The following ARPC1B variants were observed in gnomAD, a reference collection of about 807,000 sequenced individuals.
ARPC1B encodes the protein actin related protein 2/3 complex subunit 1B, also known as actin-related protein 2/3 complex subunit 1B.
Under a neutral mutation model 46.0 loss-of-function variants are expected in ARPC1B, and 29 were observed. The observed-to-expected ratio is 0.63, with a 90% CI of 0.47 to 0.86. ARPC1B has a LOEUF of 0.86. Ranked by LOEUF, ARPC1B falls within the 40% of genes least tolerant of loss-of-function variation. ARPC1B has a pLI of 0.00. For missense variants in ARPC1B, 469 were observed against 529.4 expected, an observed-to-expected ratio of 0.89 and a Z score of 1.12; for synonymous variants, 201 against 213.9, an observed-to-expected ratio of 0.94 and a Z score of 0.53.
At chr7:99,375,172 C>T (rs1198711089) in intron 1 of ARPC1B, among the ~76,000 whole-genome samples, 1 of 152,120 alleles carries the variant, frequency 6.6e-6, no homozygotes, top group Non-Finnish European at 1.5e-5. Context: ...CGCCCCTGCT[C>T]CCCGGCCCCC....
chr7:99,381,034 C>G (rs1008179383), intron 1 of ARPC1B, among the ~76,000 whole-genome samples: 2 of 152,210 alleles, frequency 1.3e-5, no homozygotes, highest in Non-Finnish European at 2.9e-5. Flanking sequence ...CTGCACAGTG[C>G]TGGCATCAGA....
At position 99,380,020 on chromosome 7, in the gene ARPC1B, T is replaced by C. The variant is rs73710449; in HGVS notation, c.-14+5239T>C. 9.5e-3 allele frequency among the ~76,000 whole-genome samples: 1,449 copies of C among 152,086 alleles called. 18 individuals carry two copies. Among genetic ancestry groups the C allele is most frequent in the African/African-American group, 0.033 (1,380 of 41,478 alleles). ...CTCACAGGGCCACAGTGATAGTGGG[T>C]TGGTGTCCTGGATCCCTCCCCCAGG... On this transcript the variant is annotated intron_variant, in intron 1 of 9. Transcript: ENST00000646101.
chr7:99,381,236 G>T (rs1392225844), intron 1 of ARPC1B, among the ~76,000 whole-genome samples: 4 of 152,234 alleles, frequency 2.6e-5, no homozygotes, highest in African/African-American at 9.6e-5. Context: ...GGGTAAGGCT[G>T]CCCACACGTG....
chr7:99,376,156 C>G (rs956303686), intron 1 of ARPC1B, among the ~76,000 whole-genome samples: 1 of 151,940 alleles, frequency 6.6e-6, no homozygotes. Flanking sequence ...TGGCAGTGAG[C>G]CAAGACTGTA....
Position 99,394,109 on chromosome 7 carries a change from G to C in ARPC1B, c.1070G>C (p.Trp357Ser). ...GGCATGGATGGCGGCATGAGTATCT[G>C]GGATGTGAAGGTGAGGCTTGCCCCT... ...TTGMDGGMSI[W>S]DVKSLESALK... The change falls in exon 9 of 10, where the codon TGG becomes TCG. Residue 357 changes from tryptophan (W) to serine (S), a missense_variant. By Grantham distance (177) the Trp-to-Ser change is radical (BLOSUM62 -3). Coordinates refer to ENST00000646101, the MANE Select transcript of ARPC1B (RefSeq NM_005720.4). 1 of 1,613,514 alleles carries C rather than the reference G, an allele frequency of 6.2e-7. No homozygotes were observed. Among genetic ancestry groups the C allele is most frequent in the South Asian group, 1.1e-5 (1 of 91,082 alleles).
intron 1 of ARPC1B, among the ~76,000 whole-genome samples, chr7:99,379,458 G>C (rs927644781): frequency 7.9e-5 from 12 of 152,126 alleles, no homozygotes; most frequent in Admixed American, 7.2e-4. Flanking sequence ...GCCTGAGCTG[G>C]GTGGGGACTT....
intron 3 of ARPC1B, among the ~76,000 whole-genome samples, chr7:99,387,350 C>T (rs1370552442): frequency 6.6e-6 from 1 of 152,204 alleles, no homozygotes; most frequent in East Asian, 1.9e-4. Flanking sequence ...AGAAGAATCG[C>T]TTGAACCCAG....
At chr7:99,389,601 C>G (rs539493669) in intron 4 of ARPC1B, 1 of 303,382 alleles carries the variant, frequency 3.3e-6, no homozygotes, top group African/African-American at 2.2e-5. Context: ...AATTTGCATC[C>G]CACCATGGCC....
At chr7:99,378,774 CTTTTTTTTTT>C (rs761084621) in intron 1 of ARPC1B, among the ~76,000 whole-genome samples, 3 of 106,554 alleles carry the variant, frequency 2.8e-5, no homozygotes, top group African/African-American at 8.7e-5. Flanking sequence ...TTTTCTTTTT[CTTTTTTTTTT>C]TTTTTTTTTT....
At chr7:99,386,357 A>G in intron 2 of ARPC1B, 1 of 497,414 alleles carries the variant, frequency 2.0e-6, no homozygotes. Context: ...GGGGAGAGGA[A>G]GGGAACTGTG....
intron 3 of ARPC1B, among the ~76,000 whole-genome samples, chr7:99,387,723 C>T (rs747569956): frequency 3.9e-5 from 5 of 128,422 alleles, no homozygotes; most frequent in African/African-American, 9.8e-5. Flanking sequence ...GGCGGCTGAG[C>T]GAGACTCTGT....
rs937025662 is a variant in ARPC1B at position 99,383,561 on chromosome 7, C to A, written c.-13-2141C>A. Among the ~76,000 whole-genome samples, 17 of 152,284 alleles carry A rather than the reference C, an allele frequency of 1.1e-4. No homozygotes were observed. The East Asian group carries it at 3.3e-3, about 29-fold the overall frequency. Reference sequence around the variant, plus strand: ...GTGAGTGCATGTCTGATGGTGACTGCTGAGAAAATTTAATCGGAAATAGGG... The same window carrying A: ...GTGAGTGCATGTCTGATGGTGACTGATGAGAAAATTTAATCGGAAATAGGG... On this transcript the variant is annotated intron_variant, in intron 1 of 9. Transcript: ENST00000646101.
intron 9 of ARPC1B, 120 bp from the exon 10 acceptor site, chr7:99,394,331 C>G (rs1247865456): frequency 9.0e-7 from 1 of 1,116,788 alleles, no homozygotes; most frequent in Non-Finnish European, 1.3e-6. Flanking sequence ...CTGACAGACT[C>G]CAAAACTGCA....
Position 99,394,643 on chromosome 7 carries a change from C to G in ARPC1B, c.*154C>G. 4 of 1,409,508 alleles carry G rather than the reference C, an allele frequency of 2.8e-6. No individual in the cohort carries two copies. The highest frequency in any genetic ancestry group is 3.7e-6 in the Non-Finnish European group (4 of 1,083,848). 87.3% of individuals were successfully genotyped at this position (1,409,508 alleles called of 1,614,324 possible). A position where few individuals can be genotyped will look rare whatever the true frequency, so the allele number is the denominator to read the frequency against. ...AAAAAGGGAGGGGACAGATGGGGAG[C>G]TTTTCTTACCTATTCAAGGAATACG... On this transcript the variant is annotated 3_prime_UTR_variant, in exon 10 of 10. Transcript: ENST00000646101.
At chr7:99,394,167 CT>C in intron 9 of ARPC1B, 48 bp downstream of exon 9, 1 of 1,588,598 alleles carries the variant, frequency 6.3e-7, no homozygotes, top group Non-Finnish European at 8.6e-7. Context: ...CAGGTCAACC[CT>C]TTCCCCCCAT....
At chr7:99,389,591 A>C in intron 4 of ARPC1B, 1 of 289,156 alleles carries the variant, frequency 3.5e-6, no homozygotes, top group South Asian at 4.1e-5. Context: ...GAGAGACCCA[A>C]ATTTGCATCC....
At chr7:99,388,465 C>G (rs1326607070) in intron 4 of ARPC1B, among the ~76,000 whole-genome samples, 1 of 152,144 alleles carries the variant, frequency 6.6e-6, no homozygotes, top group Non-Finnish European at 1.5e-5. Flanking sequence ...ACCCACCACA[C>G]CAGAAACACA....
Position 99,388,277 on chromosome 7 carries a change from G to A in ARPC1B, c.392+16G>A. On this transcript the variant is annotated intron_variant, in intron 4 of 9. Transcript: ENST00000646101. Reference sequence around the variant, plus strand: ...AGAATGACTGGTGGGTACCTAGGCAGGGCCAGAGTGGGCTGTTAGGGACCG... The same window carrying A: ...AGAATGACTGGTGGGTACCTAGGCAAGGCCAGAGTGGGCTGTTAGGGACCG... 1 of 1,611,540 alleles carries A rather than the reference G, an allele frequency of 6.2e-7. No individual in the cohort carries two copies.
chr7:99,376,285 C>T (rs1277826814), intron 1 of ARPC1B: 1 of 152,196 alleles, frequency 6.6e-6, no homozygotes, highest in African/African-American at 2.4e-5. Flanking sequence ...ACTGGTAAGC[C>T]ACCCAACTCC....
Sources: allele counts gnomAD v4.1 joint callset (sites outside exome capture counted in the v4.1 genomes callset), GRCh38; gene constraint gnomAD v4.1.1; transcripts MANE v1.5; gene names NCBI Gene and HGNC (gene_info 2026-07-23, HGNC 2026-07-21).